USP49: variants seen among roughly 807,000 people sequenced by gnomAD.
The protein encoded by USP49 is ubiquitin specific peptidase 49.
Under a neutral mutation model 58.6 loss-of-function variants are expected in USP49, and 24 were observed. The observed-to-expected ratio is 0.41, with a 90% CI of 0.30 to 0.58. The LOEUF (loss-of-function observed/expected upper bound fraction) is 0.58, where lower values mean the gene tolerates loss of function less well. USP49 is among the 20% of genes least tolerant of loss of function. USP49 has a pLI of 0.30. For missense variants in USP49, 703 were observed against 866.1 expected (o/e 0.81, Z 2.36); for synonymous variants, 408 against 365.1 (o/e 1.12, Z -1.34).
At chr6:41,859,227 C>T (rs1035951206) in intron 3 of USP49, among the ~76,000 whole-genome samples, 1 of 152,166 alleles carries the variant, frequency 6.6e-6, no homozygotes, top group African/African-American at 2.4e-5. Context: ...TCTTTCTCTA[C>T]CCCATGACTA....
At chr6:41,891,946 T>C (rs188920432) in intron 1 of USP49, 71 bp from the exon 2 acceptor site, 2 of 152,324 alleles carry the variant, frequency 1.3e-5, no homozygotes, top group East Asian at 3.8e-4. Flanking sequence ...TTAAAAGCTT[T>C]TGCTTAGCAA....
chr6:41,810,691 C>T (rs575945693), intron 3 of USP49, among the ~76,000 whole-genome samples: 3 of 150,474 alleles, frequency 2.0e-5, no homozygotes, highest in Admixed American at 1.3e-4. Flanking sequence ...GGATTACAGG[C>T]AAGGGCCACC....
At chr6:41,865,422 G>A (rs926491760) in intron 3 of USP49, among the ~76,000 whole-genome samples, 4 of 152,054 alleles carry the variant, frequency 2.6e-5, no homozygotes, top group African/African-American at 4.8e-5. Context: ...AAAGAACAGC[G>A]GGATAGGCCT....
At chr6:41,875,504 T>C (rs555022399) in intron 2 of USP49, among the ~76,000 whole-genome samples, 2 of 152,208 alleles carry the variant, frequency 1.3e-5, no homozygotes, top group South Asian at 4.1e-4. Flanking sequence ...TTGTCCTTAG[T>C]AGGTGCTTCA....
intron 3 of USP49, among the ~76,000 whole-genome samples, chr6:41,859,598 C>T (rs61466555): frequency 0.17 from 25,536 of 151,962 alleles, 2,237 homozygotes; most frequent in East Asian, 0.26. Context: ...AGAGCAGGAA[C>T]CTAATAAATT....
intron 3 of USP49, among the ~76,000 whole-genome samples, chr6:41,824,030 G>C (rs756504142): frequency 2.1e-4 from 32 of 152,278 alleles, no homozygotes; most frequent in Non-Finnish European, 4.0e-4. Context: ...TTCTGAGGGA[G>C]GCTCAAATGA....
intron 3 of USP49, among the ~76,000 whole-genome samples, chr6:41,865,916 CT>C (rs34663718): frequency 0.16 from 10,315 of 64,920 alleles, 610 homozygotes; most frequent in East Asian, 0.24. Flanking sequence ...AGCATGGTGC[CT>C]TTTTTTTTTT....
intron 2 of USP49, among the ~76,000 whole-genome samples, chr6:41,879,992 C>A: frequency 6.6e-6 from 1 of 151,962 alleles, no homozygotes; most frequent in South Asian, 2.1e-4. Flanking sequence ...AGGAAATTCC[C>A]TAAATGAAAG....
intron 3 of USP49, among the ~76,000 whole-genome samples, chr6:41,843,245 A>G (rs1274493124): frequency 6.6e-6 from 1 of 152,108 alleles, no homozygotes; most frequent in South Asian, 2.1e-4. Context: ...TGCTAGCACT[A>G]TTTTTTACAA....
chr6:41,797,103 G>T (rs1044973160), intron 7 of USP49, among the ~76,000 whole-genome samples: 1 of 152,008 alleles, frequency 6.6e-6, no homozygotes, highest in African/African-American at 2.4e-5. Context: ...TGGGACTACA[G>T]GTGCCCACCA....
intron 2 of USP49, among the ~76,000 whole-genome samples, chr6:41,878,112 G>A (rs566752660): frequency 3.3e-5 from 5 of 152,156 alleles, no homozygotes; most frequent in African/African-American, 1.2e-4. Context: ...ATAAGAAAAT[G>A]TGTGTAAGTG....
At chr6:41,819,852 C>T (rs1773423234) in intron 3 of USP49, among the ~76,000 whole-genome samples, 1 of 152,168 alleles carries the variant, frequency 6.6e-6, no homozygotes, top group Non-Finnish European at 1.5e-5. Flanking sequence ...CCAAGGAAGC[C>T]TTTGGATCTA....
intron 3 of USP49, among the ~76,000 whole-genome samples, chr6:41,839,337 C>T (rs1283907251): frequency 2.4e-5 from 3 of 122,984 alleles, no homozygotes; most frequent in Non-Finnish European, 4.8e-5. Flanking sequence ...GCCCAGGAGG[C>T]GGAGGTTGCA....
intron 3 of USP49, among the ~76,000 whole-genome samples, chr6:41,821,316 C>T (rs1046687730): frequency 6.6e-6 from 1 of 152,232 alleles, no homozygotes; most frequent in Non-Finnish European, 1.5e-5. Context: ...CCTACCAAAT[C>T]TCTTTCAGTA....
intron 2 of USP49, among the ~76,000 whole-genome samples, chr6:41,876,710 C>A (rs1175590319): frequency 6.6e-6 from 1 of 152,182 alleles, no homozygotes; most frequent in African/African-American, 2.4e-5. Flanking sequence ...CCGCAACCTG[C>A]CGTAATCGAA....
At chr6:41,823,832 G>T (rs184147677) in intron 3 of USP49, among the ~76,000 whole-genome samples, 1 of 152,086 alleles carries the variant, frequency 6.6e-6, no homozygotes, top group African/African-American at 2.4e-5. Context: ...GGAGGTGGTG[G>T]GGGGGTCGGG....
chr6:41,882,032 A>T (rs747033793), intron 2 of USP49, among the ~76,000 whole-genome samples: 53 of 148,104 alleles, frequency 3.6e-4, no homozygotes, highest in Non-Finnish European at 5.2e-4. Context: ...CTAAATATTT[A>T]AAAAAAAGAT....
intron 3 of USP49, among the ~76,000 whole-genome samples, chr6:41,808,821 C>T (rs148017799): frequency 1.4e-3 from 218 of 152,270 alleles, no homozygotes; most frequent in African/African-American, 5.1e-3. Context: ...GGCTTGCACA[C>T]TTCGGGAGGC....
chr6:41,856,332 G>A (rs957838194), intron 3 of USP49, among the ~76,000 whole-genome samples: 11 of 150,742 alleles, frequency 7.3e-5, no homozygotes, highest in African/African-American at 9.8e-5. Flanking sequence ...CCGAGATGGC[G>A]CCACTGGACT....
Sources: allele counts gnomAD v4.1 joint callset (sites outside exome capture counted in the v4.1 genomes callset), GRCh38; gene constraint gnomAD v4.1.1; transcripts MANE v1.5; gene names NCBI Gene and HGNC (gene_info 2026-07-23, HGNC 2026-07-21).